The following ZNF420 variants were observed in gnomAD, a reference collection of about 807,000 sequenced individuals.
ZNF420 encodes the protein zinc finger protein 420, also known as ATM and p53-associated KZNF protein.
Under a neutral mutation model 44.7 loss-of-function variants are expected in ZNF420, and 31 were observed. That is an observed-to-expected ratio of 0.69 (90% CI 0.52 to 0.94). The LOEUF (loss-of-function observed/expected upper bound fraction) is 0.94. Ranked by LOEUF, ZNF420 falls within the 40% of genes least tolerant of loss-of-function variation. ZNF420 has a pLI of 0.00. For synonymous variants in ZNF420, 245 were observed against 267.4 expected (o/e 0.92, Z 0.82); for missense variants, 681 against 827.9 (o/e 0.82, Z 2.18).
In ZNF420 at chr19:37,128,987, A is replaced by G; in HGVS notation, c.1996A>G (p.Ile666Val). The G allele has an allele frequency of 6.2e-7, 1 of 1,614,094 alleles. No homozygotes were observed. Among genetic ancestry groups the G allele is most frequent in the Non-Finnish European group, 8.5e-7 (1 of 1,179,966 alleles). ...GCTAACTCAACATCAGAGAATTCAT[A>G]TCAGTGAGAAATCTTTTGAATATAA... The part of the protein sequence containing the change: ...SQLTQHQRIH[I>V]SEKSFEYKEC... Residue 666 changes from isoleucine to valine, a missense_variant, in exon 5 of 5, where the codon ATC becomes GTC. Physicochemically the swap from Ile to Val is conservative, Grantham distance 29 (BLOSUM62 3). This residue lies in a region of ZNF420 where 280 missense variants were observed against 338.6 expected (regional missense o/e 0.83). Transcript: ENST00000337995.
intron 1 of ZNF420, among the ~76,000 whole-genome samples, chr19:37,055,478 C>T (rs1967725408): frequency 6.6e-6 from 1 of 152,208 alleles, no homozygotes; most frequent in African/African-American, 2.4e-5. Context: ...CCCTCTCCAA[C>T]AACGCCCGCT....
In ZNF420 at chr19:37,129,169, G is replaced by A; in HGVS notation, c.*111G>A. 7.5e-7 allele frequency: 1 copy of A among 1,327,468 alleles called. No homozygotes were observed. Among genetic ancestry groups the A allele is most frequent in the Non-Finnish European group, 1.0e-6 (1 of 974,444 alleles). 82.2% of individuals were successfully genotyped at this position (1,327,468 alleles called of 1,614,324 possible). On this transcript the variant is annotated 3_prime_UTR_variant, in exon 5 of 5. Transcript: ENST00000337995. ...ATTTGCCTCATAAAGCACAGCATCA[G>A]ATAATTTATGTGAGAGAAAATGGTA...
At chr19:37,028,817 G>C (rs1967197394) in intron 1 of ZNF420, among the ~76,000 whole-genome samples, 1 of 152,190 alleles carries the variant, frequency 6.6e-6, no homozygotes, top group African/African-American at 2.4e-5. Context: ...TGTGTAGAAA[G>C]TTATGTTGAA....
chr19:37,020,589 T>C (rs7256213), intron 1 of ZNF420, among the ~76,000 whole-genome samples: 49,573 of 152,102 alleles, frequency 0.33, 8,317 homozygotes, highest in Non-Finnish European at 0.35. Flanking sequence ...CTTTCTTTAA[T>C]CCTTACACCA....
At chr19:37,049,217 T>A (rs1299634751) in intron 1 of ZNF420, among the ~76,000 whole-genome samples, 2 of 152,316 alleles carry the variant, frequency 1.3e-5, no homozygotes, top group Non-Finnish European at 2.9e-5. Context: ...TTTCTAATGC[T>A]TTGGGTATAT....
chr19:37,060,835 G>C (rs566425572), intron 1 of ZNF420, among the ~76,000 whole-genome samples: 2 of 152,174 alleles, frequency 1.3e-5, no homozygotes, highest in East Asian at 3.9e-4. Context: ...CCGCTCCGGG[G>C]TGGACTGCCT....
chr19:37,011,325 T>C (rs2074567387), intron 1 of ZNF420, among the ~76,000 whole-genome samples: 1 of 152,190 alleles, frequency 6.6e-6, no homozygotes, highest in Non-Finnish European at 1.5e-5. Context: ...TTGGTCTCCA[T>C]GTTTCATGGG....
At chr19:37,070,806 A>G (rs1301697700) in intron 1 of ZNF420, among the ~76,000 whole-genome samples, 1 of 152,220 alleles carries the variant, frequency 6.6e-6, no homozygotes, top group Non-Finnish European at 1.5e-5. Context: ...AATATTGCAT[A>G]TTGCCTAGTA....
chr19:37,123,497 G>A (rs953303020), intron 4 of ZNF420, among the ~76,000 whole-genome samples: 1 of 151,450 alleles, frequency 6.6e-6, no homozygotes, highest in African/African-American at 2.4e-5. Flanking sequence ...GCCAGCAAAT[G>A]TCCCAAGGGT....
intron 4 of ZNF420, among the ~76,000 whole-genome samples, chr19:37,123,900 G>A (rs1424946201): frequency 1.3e-5 from 2 of 151,960 alleles, no homozygotes; most frequent in East Asian, 1.9e-4. Context: ...GAGCCACTGC[G>A]CCCAGCCTTA....
Position 37,056,973 on chromosome 19 carries a change from G to C in ZNF420, c.-124-23372G>C, listed in dbSNP as rs891295450. Among the ~76,000 whole-genome samples, 79 of 152,268 alleles carry C rather than the reference G, an allele frequency of 5.2e-4. 6 individuals carry two copies. The highest frequency in any genetic ancestry group is 1.3e-4 in the Non-Finnish European group (9 of 68,054). ...AGGGGCTTCAGCCTGACTTCCAGCA[G>C]CGGAGCGCGAGTCGGCCTAGCCAAT... is the stretch of plus-strand genomic sequence containing the variant. On this transcript the variant is annotated intron_variant, in intron 1 of 4. Transcript: ENST00000587029.
At chr19:37,030,400 A>C (rs1418697559) in intron 1 of ZNF420, among the ~76,000 whole-genome samples, 1 of 152,102 alleles carries the variant, frequency 6.6e-6, no homozygotes, top group Non-Finnish European at 1.5e-5. Flanking sequence ...TGACCTCCTG[A>C]TCCTCCCACC....
chr19:37,050,306 C>T (rs1201175189), intron 1 of ZNF420, among the ~76,000 whole-genome samples: 1 of 152,144 alleles, frequency 6.6e-6, no homozygotes, highest in Non-Finnish European at 1.5e-5. Context: ...TTACCTTGGG[C>T]AGTATGGCCA....
chr19:37,083,049 CAG>C (rs150407247), intron 2 of ZNF420, among the ~76,000 whole-genome samples: 76,126 of 151,536 alleles, frequency 0.5, 19,761 homozygotes, highest in African/African-American at 0.58. Context: ...TTAGTAGAGA[CAG>C]GGTTTCACCA....
chr19:37,068,119 T>C (rs1967999568), intron 1 of ZNF420, among the ~76,000 whole-genome samples: 1 of 152,132 alleles, frequency 6.6e-6, no homozygotes, highest in Admixed American at 6.5e-5. Context: ...TATTCTAACA[T>C]CATTATTTTG....
At chr19:37,051,094 T>G (rs1480102731) in intron 1 of ZNF420, among the ~76,000 whole-genome samples, 1 of 152,226 alleles carries the variant, frequency 6.6e-6, no homozygotes, top group African/African-American at 2.4e-5. Flanking sequence ...GTGGATAAGC[T>G]TTTTGATGTG....
rs762754479 is a variant in ZNF420 at position 37,127,367 on chromosome 19, T to G, written c.376T>G (p.Leu126Val). Residue 126 changes from leucine to valine, a missense_variant, in exon 5 of 5, where the codon TTA becomes GTA. Around this residue, in one of 3 missense-constraint regions of ZNF420, gnomAD observed 350 missense variants for 382.5 expected, o/e 0.92. Transcript: ENST00000337995. ...KMSIFNQHTY[L>V]SQHSRCHSTE... is the part of the protein sequence containing the mutation. ...GTCCATTTTCAACCAGCATACTTAC[T>G]TATCTCAACATTCAAGATGTCATTC... 6.2e-7 allele frequency: 1 copy of G among 1,612,924 alleles called. No homozygotes were observed. Among genetic ancestry groups the G allele is most frequent in the South Asian group, 1.1e-5 (1 of 91,026 alleles).
intron 1 of ZNF420, among the ~76,000 whole-genome samples, chr19:37,022,860 A>G (rs552677737): frequency 6.6e-6 from 1 of 152,304 alleles, no homozygotes; most frequent in African/African-American, 2.4e-5. Flanking sequence ...GCATGGGGGC[A>G]GGCGCGGTGG....
chr19:37,120,847 C>T (rs1970987953), intron 4 of ZNF420, among the ~76,000 whole-genome samples: 1 of 152,020 alleles, frequency 6.6e-6, no homozygotes, highest in Non-Finnish European at 1.5e-5. Context: ...AACAGAGAGC[C>T]AAATCATGAG....
Sources: gnomAD v4.1 joint callset for allele counts (sites outside exome capture counted in the v4.1 genomes callset) on GRCh38, gnomAD v4.1.1 for gene constraint, gnomAD v4.1.1 regional missense constraint, MANE v1.5 for transcripts, NCBI Gene and HGNC (gene_info 2026-07-23, HGNC 2026-07-21) for gene names.